The following PCDH9 variants were observed in gnomAD, a reference collection of about 807,000 sequenced individuals.
PCDH9 encodes the protein protocadherin 9.
Under a neutral mutation model 70.6 loss-of-function variants are expected in PCDH9, and 24 were observed. That is an observed-to-expected ratio of 0.34 (90% CI 0.25 to 0.48). The LOEUF (loss-of-function observed/expected upper bound fraction) is 0.48. PCDH9 is among the 20% of genes least tolerant of loss of function. The pLI is 0.99. For missense variants in PCDH9, 1,281 were observed against 1,503.6 expected (o/e 0.85, Z 2.45); for synonymous variants, 562 against 558.5 (o/e 1.01, Z -0.09).
At chr13:66,817,909 T>C (rs2080637308) in intron 3 of PCDH9, among the ~76,000 whole-genome samples, 1 of 152,106 alleles carries the variant, frequency 6.6e-6, no homozygotes, top group Non-Finnish European at 1.5e-5. Context: ...ATTACAGGAG[T>C]GAGCCACCAC....
At chr13:66,431,406 G>A (rs1957769067) in intron 4 of PCDH9, among the ~76,000 whole-genome samples, 1 of 151,886 alleles carries the variant, frequency 6.6e-6, no homozygotes, top group South Asian at 2.1e-4. Flanking sequence ...CCCAAACCCA[G>A]TAAATGGCAG....
At chr13:66,682,069 A>T (rs538279757) in intron 3 of PCDH9, among the ~76,000 whole-genome samples, 2 of 151,684 alleles carry the variant, frequency 1.3e-5, no homozygotes, top group African/African-American at 4.8e-5. Context: ...GACCTAAAAA[A>T]TAGTTATCTA....
At chr13:66,336,611 T>C (rs1284538426) in intron 4 of PCDH9, among the ~76,000 whole-genome samples, 1 of 152,250 alleles carries the variant, frequency 6.6e-6, no homozygotes, top group African/African-American at 2.4e-5. Flanking sequence ...AATTTTATTG[T>C]AGGTTTATGA....
intron 2 of PCDH9, among the ~76,000 whole-genome samples, chr13:66,988,908 A>G (rs1348073176): frequency 6.6e-6 from 1 of 151,996 alleles, no homozygotes; most frequent in Non-Finnish European, 1.5e-5. Flanking sequence ...AATGAAGACA[A>G]CCAGATGATG....
At chr13:66,673,245 A>G (rs929603294) in intron 3 of PCDH9, among the ~76,000 whole-genome samples, 1 of 152,150 alleles carries the variant, frequency 6.6e-6, no homozygotes, top group African/African-American at 2.4e-5. Flanking sequence ...TCTCATGAGA[A>G]CTGATGATTT....
At chr13:66,433,331 T>C (rs1957807456) in intron 4 of PCDH9, among the ~76,000 whole-genome samples, 1 of 152,082 alleles carries the variant, frequency 6.6e-6, no homozygotes, top group South Asian at 2.1e-4. Flanking sequence ...TCTTTTCATA[T>C]ACTTTCATCA....
chr13:66,529,067 A>C (rs928836326), intron 4 of PCDH9, among the ~76,000 whole-genome samples: 2 of 152,044 alleles, frequency 1.3e-5, no homozygotes, highest in African/African-American at 4.8e-5. Context: ...CTGTTGACCT[A>C]TCTCTGCCAT....
At chr13:66,772,044 A>T (rs2079816904) in intron 3 of PCDH9, among the ~76,000 whole-genome samples, 2 of 152,350 alleles carry the variant, frequency 1.3e-5, no homozygotes, top group Non-Finnish European at 2.9e-5. Context: ...AAAAACATGG[A>T]ACAATTGGGT....
Position 66,631,404 on chromosome 13 carries a change from C to A in PCDH9, c.3146G>T (p.Arg1049Leu), listed in dbSNP as rs747718825. 3 of 1,601,856 alleles carry A rather than the reference C, an allele frequency of 1.9e-6. No homozygotes were observed. The highest frequency in any genetic ancestry group is 2.6e-6 in the Non-Finnish European group (3 of 1,169,104). The stretch of plus-strand genomic sequence containing the variant: ...ATCAGGGAGATGAAACGTAACACGG[C>A]GCTGCGACTACAAAGAAGACCACAG... Reference protein sequence around the residue: ...ENEESHYESQRRVTFHLPDGS... With the variant: ...ENEESHYESQLRVTFHLPDGS... The change falls in exon 4 of 5, where the codon CGC (arginine) becomes CTC (leucine). Residue 1049 changes from arginine to leucine, a missense_variant. Physicochemically the swap from Arg to Leu is moderately radical, Grantham distance 102 (BLOSUM62 -2). This residue lies in a region of PCDH9 where 264 missense variants were observed against 278.8 expected (regional missense o/e 0.95). Transcript: ENST00000377865.
At chr13:66,968,233 T>G (rs536270889) in intron 2 of PCDH9, among the ~76,000 whole-genome samples, 1 of 152,094 alleles carries the variant, frequency 6.6e-6, no homozygotes, top group Non-Finnish European at 1.5e-5. Context: ...TATTTCCAGA[T>G]GCTTCTTTGT....
chr13:66,791,017 A>G (rs140230612), intron 3 of PCDH9, among the ~76,000 whole-genome samples: 65 of 152,254 alleles, frequency 4.3e-4, no homozygotes, highest in East Asian at 3.7e-3. Flanking sequence ...ATTACTATGC[A>G]AATTCTCTAG....
chr13:67,000,837 TAA>T (rs2084229849), intron 2 of PCDH9, among the ~76,000 whole-genome samples: 1 of 152,186 alleles, frequency 6.6e-6, no homozygotes, highest in Non-Finnish European at 1.5e-5. Context: ...AGTGTAAAGC[TAA>T]GAGACAAATA....
intron 4 of PCDH9, among the ~76,000 whole-genome samples, chr13:66,571,537 T>C (rs1334609210): frequency 3.3e-5 from 5 of 152,058 alleles, no homozygotes; most frequent in African/African-American, 1.2e-4. Context: ...TTTTTAACAT[T>C]GTTGCCATGA....
intron 3 of PCDH9, among the ~76,000 whole-genome samples, chr13:66,653,597 A>C (rs923657529): frequency 2.0e-5 from 3 of 152,152 alleles, no homozygotes; most frequent in African/African-American, 7.2e-5. Flanking sequence ...TATGGAGAAC[A>C]GTTTGGAGGT....
At chr13:67,059,433 TATATA>T (rs993608079) in intron 2 of PCDH9, among the ~76,000 whole-genome samples, 16 of 147,944 alleles carry the variant, frequency 1.1e-4, no homozygotes, top group African/African-American at 1.5e-4. Flanking sequence ...GTATATACTA[TATATA>T]ATATAAGTGT....
intron 4 of PCDH9, among the ~76,000 whole-genome samples, chr13:66,498,436 T>A (rs2138552691): frequency 6.6e-6 from 1 of 151,390 alleles, no homozygotes; most frequent in East Asian, 1.9e-4. Flanking sequence ...TATTTCCCAA[T>A]TTGAAAAAAA....
intron 4 of PCDH9, among the ~76,000 whole-genome samples, chr13:66,473,048 A>G (rs1204678345): frequency 1.3e-5 from 2 of 151,918 alleles, no homozygotes; most frequent in African/African-American, 4.8e-5. Flanking sequence ...TTGATTTGCA[A>G]TAGGTATCCC....
chr13:66,432,318 A>G (rs915119406), intron 4 of PCDH9, among the ~76,000 whole-genome samples: 2 of 151,988 alleles, frequency 1.3e-5, no homozygotes, highest in Non-Finnish European at 2.9e-5. Flanking sequence ...TTTAAAGACA[A>G]CTTTGGGAAT....
At chr13:67,187,561 A>G (rs898860342) in intron 2 of PCDH9, among the ~76,000 whole-genome samples, 1 of 152,152 alleles carries the variant, frequency 6.6e-6, no homozygotes, top group African/African-American at 2.4e-5. Context: ...TGCATCCTAC[A>G]TTTTATACAA....
Sources: allele counts gnomAD v4.1 joint callset (sites outside exome capture counted in the v4.1 genomes callset), GRCh38; gene constraint gnomAD v4.1.1; regional missense constraint gnomAD v4.1.1; transcripts MANE v1.5; gene names NCBI Gene and HGNC (gene_info 2026-07-23, HGNC 2026-07-21).